Variants in YPEL2 observed in about 807,000 individuals in gnomAD.
The protein encoded by YPEL2 is protein yippee-like 2.
A neutral mutation model predicts 19.1 loss-of-function variants in YPEL2; 2 were observed. The ratio of observed to expected loss-of-function variants is 0.10; its 90% confidence interval spans 0.04 to 0.33. The LOEUF (loss-of-function observed/expected upper bound fraction) is 0.33, where lower values mean the gene tolerates loss of function less well. YPEL2 is among the 10% of genes least tolerant of loss of function. The probability of loss-of-function intolerance (pLI) is 1.00; values close to 1 mark genes in which losing one functional copy is unlikely to be tolerated. For synonymous variants in YPEL2, 52 were observed against 50.0 expected, an observed-to-expected ratio of 1.04 and a Z score of -0.17; for missense variants, 66 against 140.7, an observed-to-expected ratio of 0.47 and a Z score of 2.68.
intron 4 of YPEL2, among the ~76,000 whole-genome samples, chr17:59,390,813 G>A (rs2048003838): frequency 6.6e-6 from 1 of 152,140 alleles, no homozygotes; most frequent in Non-Finnish European, 1.5e-5. Context: ...GAACCATCTA[G>A]GCAGCTAGAG....
intron 4 of YPEL2, among the ~76,000 whole-genome samples, chr17:59,391,578 A>G (rs769049803): frequency 1.3e-5 from 2 of 152,000 alleles, no homozygotes; most frequent in East Asian, 3.9e-4. Context: ...CATTTTCCCC[A>G]TCTCCCTGGA....
intron 2 of YPEL2, among the ~76,000 whole-genome samples, chr17:59,360,211 G>A (rs141944672): frequency 0.023 from 3,503 of 152,286 alleles, 67 homozygotes; most frequent in Non-Finnish European, 0.037. Flanking sequence ...CGAGTAGCTG[G>A]GACTACAGGC....
At chr17:59,362,060 A>G (rs60195140) in intron 2 of YPEL2, among the ~76,000 whole-genome samples, 8,629 of 152,262 alleles carry the variant, frequency 0.057, 292 homozygotes, top group South Asian at 0.15. Flanking sequence ...GTTGGTTGCT[A>G]CTGAAGACTT....
At position 59,398,880 on chromosome 17, in the gene YPEL2, A is replaced by G. The variant is rs2048055157; in HGVS notation, c.*1690A>G. ...GCCAACAGCCCAGGAGCTTTTCAGA[A>G]TAGCGTCTGCAGCAGAACCAGTTTC... is the stretch of plus-strand genomic sequence containing the variant. On this transcript the variant is annotated 3_prime_UTR_variant, in exon 5 of 5. Transcript: ENST00000312655. 1 of 152,206 alleles carries G rather than the reference A, an allele frequency of 6.6e-6. No homozygotes were observed. The allele number at this position is 152,206 out of a possible 1,614,324, so 9.4% of individuals were successfully genotyped here. A position where few individuals can be genotyped will look rare whatever the true frequency, so the allele number is the denominator to read the frequency against.
At chr17:59,375,667 A>G (rs945244509) in intron 2 of YPEL2, among the ~76,000 whole-genome samples, 1 of 152,250 alleles carries the variant, frequency 6.6e-6, no homozygotes, top group Non-Finnish European at 1.5e-5. Context: ...TGGAAACTGC[A>G]ATTCTAATTC....
intron 1 of YPEL2, among the ~76,000 whole-genome samples, chr17:59,341,841 T>C (rs1192553277): frequency 6.6e-6 from 1 of 152,168 alleles, no homozygotes; most frequent in Non-Finnish European, 1.5e-5. Flanking sequence ...AAATGTGCTG[T>C]AGAGTGAGTC....
intron 1 of YPEL2, among the ~76,000 whole-genome samples, chr17:59,336,010 T>C (rs1411367089): frequency 6.6e-6 from 1 of 152,206 alleles, no homozygotes; most frequent in Non-Finnish European, 1.5e-5. Context: ...TCTGGAAATA[T>C]ATTATCTACC....
chr17:59,340,198 C>A (rs372250630), intron 1 of YPEL2, among the ~76,000 whole-genome samples: 10 of 151,726 alleles, frequency 6.6e-5, no homozygotes, highest in African/African-American at 1.9e-4. Context: ...ATCTCCACCC[C>A]CCCAGGTTCA....
intron 2 of YPEL2, chr17:59,365,954 C>CTT (rs2047866628): frequency 6.6e-6 from 1 of 152,426 alleles, no homozygotes; most frequent in East Asian, 1.9e-4. Flanking sequence ...CTCCCCTCCC[C>CTT]TTTAGCCCCT....
chr17:59,333,560 T>C (rs2047682782), intron 1 of YPEL2, among the ~76,000 whole-genome samples: 1 of 152,176 alleles, frequency 6.6e-6, no homozygotes, highest in South Asian at 2.1e-4. Context: ...GAAATAAGTT[T>C]CAGAGAACAA....
intron 1 of YPEL2, among the ~76,000 whole-genome samples, chr17:59,336,383 T>C (rs1482657623): frequency 1.3e-5 from 2 of 152,228 alleles, no homozygotes; most frequent in Admixed American, 1.3e-4. Context: ...TAGGCCTCGC[T>C]GTTTGTTTTC....
At chr17:59,367,093 A>T (rs1334136558) in intron 2 of YPEL2, among the ~76,000 whole-genome samples, 1 of 152,148 alleles carries the variant, frequency 6.6e-6, no homozygotes, top group East Asian at 1.9e-4. Context: ...TGACAGGAGG[A>T]GTATGGACTT....
At chr17:59,344,308 G>A (rs2047745700) in intron 1 of YPEL2, among the ~76,000 whole-genome samples, 1 of 152,206 alleles carries the variant, frequency 6.6e-6, no homozygotes, top group South Asian at 2.1e-4. Context: ...GAGGCACATG[G>A]CAGAAGCACT....
rs544650792 is a variant in YPEL2 at position 59,380,308 on chromosome 17, G to A, written c.118-8019G>A. Among the ~76,000 whole-genome samples, 7 of 130,394 alleles carry A rather than the reference G, an allele frequency of 5.4e-5. No individual in the cohort carries two copies. The Admixed American group carries it at 5.4e-4, about 10-fold the overall frequency. The allele number at this position is 130,394 out of a possible 152,430, so 85.5% of individuals were successfully genotyped here. ...TTTTTTTTTTTTGAGATGGAGTCTC[G>A]CTGTGTCTCCCAGGCCGGAGTGCAG... On this transcript the variant is annotated intron_variant, in intron 2 of 4. Coordinates refer to ENST00000312655, the MANE Select transcript of YPEL2 (RefSeq NM_001005404.4).
At chr17:59,388,207 C>T (rs2047990611) in intron 2 of YPEL2, 120 bp from the exon 3 acceptor site, 3 of 949,472 alleles carry the variant, frequency 3.2e-6, no homozygotes, top group Non-Finnish European at 5.2e-6. Flanking sequence ...TTAACTGGCT[C>T]AGTACTCCCT....
At chr17:59,335,470 C>T (rs1285228151) in intron 1 of YPEL2, among the ~76,000 whole-genome samples, 1 of 152,026 alleles carries the variant, frequency 6.6e-6, no homozygotes, top group Non-Finnish European at 1.5e-5. Flanking sequence ...GCTCGCCTTT[C>T]TGAGGTTTCT....
intron 2 of YPEL2, among the ~76,000 whole-genome samples, chr17:59,378,327 T>C (rs1480744776): frequency 6.8e-6 from 1 of 146,754 alleles, no homozygotes; most frequent in East Asian, 2.0e-4. Context: ...ATTAAATGGC[T>C]TAAGTCCCAG....
At chr17:59,378,987 C>T (rs1204615417) in intron 2 of YPEL2, among the ~76,000 whole-genome samples, 1 of 152,176 alleles carries the variant, frequency 6.6e-6, no homozygotes, top group Non-Finnish European at 1.5e-5. Context: ...CTATCCTAGT[C>T]TTTACTGGTG....
chr17:59,347,370 T>C (rs927106142), intron 1 of YPEL2, among the ~76,000 whole-genome samples: 4 of 152,198 alleles, frequency 2.6e-5, no homozygotes, highest in Admixed American at 2.0e-4. Context: ...CAAGCAGTCC[T>C]TCTGCCTCAG....
Sources: gnomAD v4.1 joint callset for allele counts (sites outside exome capture counted in the v4.1 genomes callset) on GRCh38, gnomAD v4.1.1 for gene constraint, MANE v1.5 for transcripts, NCBI Gene and HGNC (gene_info 2026-07-23, HGNC 2026-07-21) for gene names.